Variants in DTX2 observed in about 807,000 individuals in gnomAD.
DTX2 encodes the protein deltex E3 ubiquitin ligase 2.
In DTX2, 29 loss-of-function variants were observed where a neutral mutation model predicts 55.3. The ratio of observed to expected loss-of-function variants is 0.52; its 90% CI spans 0.39 to 0.71. DTX2 has a LOEUF of 0.71. DTX2 is among the 30% of genes least tolerant of loss of function. DTX2 has a pLI of 0.00. For missense variants in DTX2, 537 were observed against 822.5 expected (o/e 0.65, Z 4.25); for synonymous variants, 276 against 340.4 (o/e 0.81, Z 2.08).
At chr7:76,478,414 A>ATTT (rs559041165) in intron 2 of DTX2, among the ~76,000 whole-genome samples, 2 of 120,444 alleles carry the variant, frequency 1.7e-5, no homozygotes, top group Non-Finnish European at 3.4e-5. Context: ...ATCAGCTCTG[A>ATTT]TTTTTTTTTT....
At chr7:76,467,578 C>G (rs1481867923) in intron 2 of DTX2, among the ~76,000 whole-genome samples, 1 of 102,290 alleles carries the variant, frequency 9.8e-6, no homozygotes, top group Non-Finnish European at 1.9e-5. Context: ...ATTCCTCTTT[C>G]TTTAAGGTGT....
Position 76,478,575 on chromosome 7 carries a change from G to C in DTX2, c.-89-1846G>C, listed in dbSNP as rs200382355. ...CTATTGGCATGCACCTCCGCACCTG[G>C]CTAACTTTTAAATTTTCTGCAGAGA... On this transcript the variant is annotated intron_variant, in intron 2 of 10. Coordinates refer to ENST00000430490, the MANE Select transcript of DTX2 (RefSeq NM_001102594.3). Among the ~76,000 whole-genome samples, 44 of 147,402 alleles carry C rather than the reference G, an allele frequency of 3.0e-4. No individual in the cohort carries two copies. In the East Asian group the frequency reaches 9.0e-3, roughly 30 times the overall value.
chr7:76,466,518 G>A (rs1194792239), intron 2 of DTX2, among the ~76,000 whole-genome samples: 1 of 150,958 alleles, frequency 6.6e-6, no homozygotes, highest in Non-Finnish European at 1.5e-5. Flanking sequence ...CTTACCCTGA[G>A]GTAATCATTA....
chr7:76,482,026 G>T (rs1349568545), intron 3 of DTX2, among the ~76,000 whole-genome samples: 5 of 152,204 alleles, frequency 3.3e-5, no homozygotes, highest in African/African-American at 1.2e-4. Context: ...CAGGAGTGTC[G>T]TAGAGTCTGT....
At position 76,505,549 on chromosome 7, in the gene DTX2, T is replaced by G; in HGVS notation, c.1817T>G (p.Leu606Arg). 6.2e-7 allele frequency: 1 copy of G among 1,604,868 alleles called. No individual in the cohort carries two copies. Among genetic ancestry groups the G allele is most frequent in the Non-Finnish European group, 8.5e-7 (1 of 1,176,736 alleles). The change falls in exon 11 of 11, where the codon CTG becomes CGG. Residue 606 changes from leucine (L) to arginine (R), a missense_variant. Transcript: ENST00000430490. This position sits in a 1 kb window ranked among gnomAD's most constrained non-coding sequence, Gnocchi z 4.4. ...GACCCCAACTACCTGCAGAACGTGC[T>G]GGCTGAGCTGGCTGCCCAGGGGGTG... ...YPDPNYLQNVLAELAAQGVTE... is the reference protein window; with the variant it reads ...YPDPNYLQNVRAELAAQGVTE...
chr7:76,467,199 G>A (rs1257428633), intron 2 of DTX2, among the ~76,000 whole-genome samples: 28 of 147,970 alleles, frequency 1.9e-4, no homozygotes, highest in African/African-American at 7.0e-4. Flanking sequence ...ATGCTCGGCA[G>A]TGTTCATCTT....
intron 4 of DTX2, among the ~76,000 whole-genome samples, chr7:76,485,870 TC>T (rs1809817896): frequency 2.4e-5 from 1 of 42,516 alleles, no homozygotes; most frequent in African/African-American, 1.2e-4. Flanking sequence ...TTCTCTGGGG[TC>T]CCCGTCCCTG....
In DTX2 at chr7:76,502,434, C is replaced by T. The variant is rs778207414; in HGVS notation, c.1367C>T (p.Ala456Val). 1 of 1,612,312 alleles carries T rather than the reference C, an allele frequency of 6.2e-7. No homozygotes were observed. Among genetic ancestry groups the T allele is most frequent in the South Asian group, 1.1e-5 (1 of 91,048 alleles). The change falls in exon 8 of 11, where the codon GCC becomes GTC. Residue 456 changes from alanine (A) to valine (V), a missense_variant. Transcript: ENST00000430490. ...SHAFHLLCLL[A>V]MYCNGNKDGS... Reference sequence around the variant, plus strand: ...GCCTTCCACCTGCTGTGCCTCCTGGCCATGTACTGCAACGGCAATAAGGTG... The same window carrying T: ...GCCTTCCACCTGCTGTGCCTCCTGGTCATGTACTGCAACGGCAATAAGGTG...
At chr7:76,483,413 G>A (rs748903280) in intron 4 of DTX2, among the ~76,000 whole-genome samples, 75 of 152,290 alleles carry the variant, frequency 4.9e-4, no homozygotes, top group Non-Finnish European at 3.5e-4. Flanking sequence ...ACATGGAGCA[G>A]AGTTAAAGGC....
Position 76,482,796 on chromosome 7 carries a change from T to C in DTX2, c.557T>C (p.Ile186Thr), listed in dbSNP as rs1809409667. ...CCGCCTTACCCGGTGACCACCATCA[T>C]CGCTCCGCCGGGCCACACAGGCGTC... is the stretch of plus-strand genomic sequence containing the variant. ...AGPPYPVTTI[I>T]APPGHTGVAC... Residue 186 changes from isoleucine (I) to threonine (T), a missense_variant, in exon 4 of 11, where the codon ATC (isoleucine) becomes ACC (threonine). Physicochemically the swap from Ile to Thr is moderately conservative, Grantham distance 89. Transcript: ENST00000430490. 1 of 1,613,674 alleles carries C rather than the reference T, an allele frequency of 6.2e-7. No homozygotes were observed. The highest frequency in any genetic ancestry group is 8.5e-7 in the Non-Finnish European group (1 of 1,179,824).
Position 76,475,455 on chromosome 7 carries a change from G to A in DTX2, c.-89-4966G>A, listed in dbSNP as rs542864220. 2.5e-3 allele frequency among the ~76,000 whole-genome samples: 380 copies of A among 150,220 alleles called. 2 individuals carry two copies. Among genetic ancestry groups the A allele is most frequent in the South Asian group, 6.9e-3 (32 of 4,666 alleles). On this transcript the variant is annotated intron_variant, in intron 2 of 10. Transcript: ENST00000430490. ...TAATCCCAGCACTTTGGGAGGCTGA[G>A]GCGGGTGGATCACTTGAGGTCAGGA...
chr7:76,501,626 C>A (rs1404122703), intron 7 of DTX2, among the ~76,000 whole-genome samples: 1 of 151,504 alleles, frequency 6.6e-6, no homozygotes, highest in East Asian at 2.0e-4. Flanking sequence ...CCAGCCCACC[C>A]CCTGCCAGCT....
intron 2 of DTX2, among the ~76,000 whole-genome samples, chr7:76,469,308 G>C (rs1332315107): frequency 1.4e-5 from 2 of 141,292 alleles, no homozygotes; most frequent in Non-Finnish European, 3.0e-5. Context: ...TCTAGGTCCA[G>C]CCTGCAAATA....
At chr7:76,477,777 G>A (rs1184062103) in intron 2 of DTX2, among the ~76,000 whole-genome samples, 1 of 130,802 alleles carries the variant, frequency 7.6e-6, no homozygotes, top group East Asian at 2.2e-4. Flanking sequence ...CTCTAGCCTG[G>A]GTGACAGAGT....
rs1812181930 is a variant in DTX2 at position 76,505,015 on chromosome 7, C to T, written c.1642-359C>T. 2.8e-5 allele frequency among the ~76,000 whole-genome samples: 2 copies of T among 71,938 alleles called. No individual in the cohort carries two copies. Among genetic ancestry groups the T allele is most frequent in the Non-Finnish European group, 5.3e-5 (2 of 37,684 alleles). 47.2% of individuals were successfully genotyped at this position (71,938 alleles called of 152,430 possible). A position where few individuals can be genotyped will look rare whatever the true frequency, so the allele number is the denominator to read the frequency against. On this transcript the variant is annotated intron_variant, in intron 10 of 10. Coordinates refer to ENST00000430490, the MANE Select transcript of DTX2 (RefSeq NM_001102594.3). This position sits in a 1 kb window ranked among gnomAD's most constrained non-coding sequence, Gnocchi z 4.4. ...GGCGGAGCTGGAGGCGGGGAGAGGG[C>T]AGGGAGAGGGCAGGGAGGCCTGGAT...
intron 2 of DTX2, among the ~76,000 whole-genome samples, chr7:76,477,492 G>A (rs992362100): frequency 4.6e-5 from 7 of 150,716 alleles, no homozygotes. Context: ...AAAACACTTA[G>A]GATACATGTT....
At position 76,492,366 on chromosome 7, in the gene DTX2, GCTCCCTGGGGGAGCAGTGC is replaced by G. The variant is rs1019890328; in HGVS notation, c.1009+117_1009+135del. On this transcript the variant is annotated intron_variant, in intron 5 of 10. Coordinates refer to ENST00000430490, the MANE Select transcript of DTX2 (RefSeq NM_001102594.3). Reference sequence around the variant, plus strand: ...TGGATCCTCAGGGAGAGCCAAAGGGGCTCCCTGGGGGAGCAGTGCCTCTTTCTGGTGATGGTGTCACCCC... The same window carrying G: ...TGGATCCTCAGGGAGAGCCAAAGGGGCTCTTTCTGGTGATGGTGTCACCCC... The G allele has an allele frequency of 5.6e-6, 7 of 1,243,640 alleles. No individual in the cohort carries two copies. The African/African-American group carries it at 1.1e-4, about 19-fold the overall frequency. The allele number at this position is 1,243,640 out of a possible 1,614,324, so 77.0% of individuals were successfully genotyped here.
At chr7:76,481,837 T>G (rs1353817293) in intron 3 of DTX2, among the ~76,000 whole-genome samples, 5 of 35,122 alleles carry the variant, frequency 1.4e-4, no homozygotes, top group East Asian at 1.3e-3. Context: ...AAGTATGGGT[T>G]TTTTTTTTTC....
rs1212701471 is a variant in DTX2 at position 76,480,688 on chromosome 7, C to G, written c.179C>G (p.Ala60Gly). 2 of 1,613,532 alleles carry G rather than the reference C, an allele frequency of 1.2e-6. No individual in the cohort carries two copies. Among genetic ancestry groups the G allele is most frequent in the African/African-American group, 2.7e-5 (2 of 74,900 alleles). ...CAACGTTTTGGGCTTGGGAGCCTGGCCCACAGCATCCCCTTGGGCCAGGCA... is the reference window on the plus strand; with the variant it reads ...CAACGTTTTGGGCTTGGGAGCCTGGGCCACAGCATCCCCTTGGGCCAGGCA... ...KGQRFGLGSL[A>G]HSIPLGQADP... Residue 60 changes from alanine (A) to glycine (G), a missense_variant, in exon 3 of 11, where the codon GCC becomes GGC. Transcript: ENST00000430490.
Sources: allele counts gnomAD v4.1 joint callset (sites outside exome capture counted in the v4.1 genomes callset), GRCh38; gene constraint gnomAD v4.1.1; non-coding constraint Gnocchi (gnomAD v3.1); transcripts MANE v1.5; gene names NCBI Gene and HGNC (gene_info 2026-07-23, HGNC 2026-07-21).